Variants in PHF8 observed in about 807,000 individuals in gnomAD.
The protein encoded by PHF8 is PHD finger protein 8.
A neutral mutation model predicts 74.4 loss-of-function variants in PHF8; 9 were observed. The ratio of observed to expected loss-of-function variants is 0.12; its 90% CI spans 0.07 to 0.21. The LOEUF is 0.21. Ranked by LOEUF, PHF8 falls within the 10% of genes least tolerant of loss-of-function variation. PHF8 has a pLI of 1.00. For missense variants in PHF8, 478 were observed against 816.6 expected (o/e 0.59, Z 5.05); for synonymous variants, 311 against 316.6 (o/e 0.98, Z 0.19).
chrX:54,016,493 CAAAA>C (rs782287041), intron 6 of PHF8, 98 bp downstream of exon 6: 128 of 599,025 alleles, frequency 2.1e-4, no homozygotes, highest in Non-Finnish European at 2.3e-4. Context: ...GACTCTGTCT[CAAAA>C]AAAAAAAAAA....
At chrX:54,011,670 A>G (rs1557106771) in intron 7 of PHF8, among the ~76,000 whole-genome samples, 1 of 111,197 alleles carries the variant, frequency 9.0e-6, no homozygotes, top group Non-Finnish European at 1.9e-5. Context: ...ATGAGAAGAA[A>G]ATTGAATTTG....
intron 18 of PHF8, among the ~76,000 whole-genome samples, chrX:53,979,121 C>T (rs1461374782): frequency 8.9e-6 from 1 of 112,142 alleles, no homozygotes; most frequent in Non-Finnish European, 1.9e-5. Context: ...TGGGTCACGC[C>T]TATAATCCCA....
rs2065952773 is a variant in PHF8 at position 54,009,844 on chromosome X, G to GGAAAAAAAAAAAAAAAAA, written c.946+1277_946+1278insTTTTTTTTTTTTTTTTTC. On this transcript the variant is annotated intron_variant, in intron 8 of 21. Transcript: ENST00000338154. ...GGTGACAGAGTGAGACTCTGTCTCAGAAAAAAAAAAAAAAAAAAAAAAAAA... is the reference window on the plus strand; with the variant it reads ...GGTGACAGAGTGAGACTCTGTCTCAGGAAAAAAAAAAAAAAAAAAAAAAAAAAAAAAAAAAAAAAAAAA... Among the ~76,000 whole-genome samples, 26 of 9,390 alleles carry GGAAAAAAAAAAAAAAAAA rather than the reference G, an allele frequency of 2.8e-3. 1 individual carries two copies. Among genetic ancestry groups the GGAAAAAAAAAAAAAAAAA allele is most frequent in the Non-Finnish European group, 4.5e-3 (10 of 2,201 alleles). The allele number at this position is 9,390 out of a possible 115,157, so 8.2% of individuals were successfully genotyped here.
At chrX:54,009,805 T>C (rs1422582771) in intron 8 of PHF8, among the ~76,000 whole-genome samples, 1 of 75,683 alleles carries the variant, frequency 1.3e-5, no homozygotes, top group Non-Finnish European at 2.3e-5. Flanking sequence ...ATCGCACCAC[T>C]ACACTCCAGC....
chrX:53,988,587 T>C (rs1183351075), intron 14 of PHF8, among the ~76,000 whole-genome samples: 1 of 109,332 alleles, frequency 9.1e-6, no homozygotes, highest in Non-Finnish European at 1.9e-5. Flanking sequence ...TTGGAAATCG[T>C]TTATCTGGCA....
Position 53,940,474 on chromosome X carries a change from G to C in PHF8, c.2692C>G (p.Pro898Ala). 8.3e-7 allele frequency: 1 copy of C among 1,208,213 alleles called. No homozygotes were observed. Among genetic ancestry groups the C allele is most frequent in the Non-Finnish European group, 1.1e-6 (1 of 892,974 alleles). ...AQKKKYIKKK[P>A]LLKEVEQPRP... ...GGCTGTTCTACCTCCTTCAGCAAAGGCTTCTTCTTGATATATTTCTTCTTT... is the reference window on the plus strand; with the variant it reads ...GGCTGTTCTACCTCCTTCAGCAAAGCCTTCTTCTTGATATATTTCTTCTTT... Residue 898 changes from proline (P) to alanine (A), a missense_variant, in exon 21 of 22, where the codon CCT (proline) becomes GCT (alanine). Pro to Ala is a conservative substitution (Grantham distance 27). Around this residue, in one of 9 missense-constraint regions of PHF8, gnomAD observed 75 missense variants for 93.3 expected, o/e 0.80. Coordinates refer to ENST00000338154, the MANE Select transcript of PHF8 (RefSeq NM_015107.3).
At chrX:53,975,413 G>A (rs1320466318) in intron 18 of PHF8, among the ~76,000 whole-genome samples, 1 of 112,399 alleles carries the variant, frequency 8.9e-6, no homozygotes, top group Non-Finnish European at 1.9e-5. Context: ...AGAGATATCT[G>A]CATTCCCATG....
chrX:53,983,636 C>A (rs1557098666), intron 18 of PHF8, among the ~76,000 whole-genome samples: 1 of 111,491 alleles, frequency 9.0e-6, no homozygotes, highest in Admixed American at 9.6e-5. Context: ...CAGGTCTATC[C>A]CCCCTAGAAA....
chrX:53,966,294 C>A (rs1369182251), intron 18 of PHF8, among the ~76,000 whole-genome samples: 1 of 111,817 alleles, frequency 8.9e-6, no homozygotes, highest in Non-Finnish European at 1.9e-5. Context: ...TGAAGCTGGA[C>A]TGTACTGCTG....
intron 14 of PHF8, among the ~76,000 whole-genome samples, chrX:53,989,941 A>T (rs1557100888): frequency 1.8e-5 from 2 of 111,836 alleles, no homozygotes; most frequent in Non-Finnish European, 3.8e-5. Context: ...GGATTAAATA[A>T]AATAGTGTAT....
intron 19 of PHF8, among the ~76,000 whole-genome samples, chrX:53,958,114 T>G (rs2065041437): frequency 1.8e-5 from 2 of 108,489 alleles, no homozygotes; most frequent in African/African-American, 3.4e-5. Flanking sequence ...AAATCTCGGC[T>G]CACTGCAACC....
intron 19 of PHF8, among the ~76,000 whole-genome samples, chrX:53,957,137 G>A (rs1342375886): frequency 9.3e-6 from 1 of 107,741 alleles, no homozygotes; most frequent in Non-Finnish European, 1.9e-5. Flanking sequence ...ACAAGGACAA[G>A]GGATCGAGAC....
chrX:54,045,172 A>C (rs941159471), upstream of PHF8: 32 of 292,990 alleles, frequency 1.1e-4, no homozygotes, highest in Non-Finnish European at 1.8e-4. Context: ...AATACAGTTC[A>C]AGGATTTGTT....
chrX:53,982,870 C>G (rs1557098446), intron 18 of PHF8, among the ~76,000 whole-genome samples: 1 of 112,399 alleles, frequency 8.9e-6, no homozygotes, highest in Admixed American at 9.5e-5. Context: ...CCTTCTTAAT[C>G]AAAACATAAA....
intron 8 of PHF8, 60 bp downstream of exon 8, chrX:54,011,062 A>G: frequency 9.6e-7 from 1 of 1,040,879 alleles, no homozygotes; most frequent in Non-Finnish European, 1.3e-6. Context: ...CTGTGGGGCC[A>G]AAAGCTCCCT....
At chrX:53,981,711 C>T (rs879986942) in intron 18 of PHF8, among the ~76,000 whole-genome samples, 7 of 111,843 alleles carry the variant, frequency 6.3e-5, no homozygotes, top group Admixed American at 5.7e-4. Context: ...TGCCATTGGG[C>T]TCTAACTTAG....
chrX:54,015,772 A>T (rs782787739), intron 6 of PHF8, among the ~76,000 whole-genome samples: 2 of 110,919 alleles, frequency 1.8e-5, no homozygotes, highest in Non-Finnish European at 3.8e-5. Context: ...TAAGGGCAAA[A>T]AGATACATTA....
rs1430987347 is a variant in PHF8 at position 53,940,354 on chromosome X, G to A, written c.2812C>T (p.Pro938Ser). ...GACAGGGCCTCTTGTTTAGGCTCAG[G>A]AGGAGGCAGGGGTGAGGAGGAGGTG... Reference protein sequence around the residue: ...LVTSSSPLPPPEPKQEALSGS... With the variant: ...LVTSSSPLPPSEPKQEALSGS... Residue 938 changes from proline (P) to serine (S), a missense_variant, in exon 21 of 22, where the codon CCT (proline) becomes TCT (serine). Pro to Ser is a moderately conservative substitution (Grantham distance 74). This residue lies in a region of PHF8 where 75 missense variants were observed against 93.3 expected (regional missense o/e 0.80). Transcript: ENST00000338154. 1 of 1,210,362 alleles carries A rather than the reference G, an allele frequency of 8.3e-7. No individual in the cohort carries two copies. The highest frequency in any genetic ancestry group is 1.1e-6 in the Non-Finnish European group (1 of 894,852).
intron 8 of PHF8, among the ~76,000 whole-genome samples, chrX:54,005,206 G>A (rs190888598): frequency 1.8e-3 from 197 of 110,862 alleles, no homozygotes; most frequent in Non-Finnish European, 3.1e-3. Flanking sequence ...GGTGGCTCAT[G>A]CCTGTAATCC....
Sources: allele counts gnomAD v4.1 joint callset (sites outside exome capture counted in the v4.1 genomes callset), GRCh38; gene constraint gnomAD v4.1.1; regional missense constraint gnomAD v4.1.1; transcripts MANE v1.5; gene names NCBI Gene and HGNC (gene_info 2026-07-23, HGNC 2026-07-21).